The following PDE10A variants were observed in gnomAD, a reference collection of about 807,000 sequenced individuals.
The protein encoded by PDE10A is cAMP and cAMP-inhibited cGMP 3',5'-cyclic phosphodiesterase 10A.
PDE10A carries 39 observed loss-of-function variants against 97.7 expected under a neutral mutation model. The observed-to-expected ratio is 0.40, with a 90% CI of 0.31 to 0.52. The LOEUF is 0.52. Ranked by LOEUF, PDE10A falls within the 20% of genes least tolerant of loss-of-function variation. The probability of loss-of-function intolerance (pLI) is 0.56; values close to 1 mark genes in which losing one functional copy is unlikely to be tolerated. For missense variants in PDE10A, 731 were observed against 1,047.8 expected (o/e 0.70, Z 4.17); for synonymous variants, 371 against 376.8 (o/e 0.98, Z 0.18).
chr6:165,742,107 C>A (rs1792740624), intron 1 of PDE10A, among the ~76,000 whole-genome samples: 1 of 152,146 alleles, frequency 6.6e-6, no homozygotes. Flanking sequence ...AATTATCACA[C>A]CTACCTTACG....
chr6:165,551,413 A>T (rs1221658350), intron 1 of PDE10A, among the ~76,000 whole-genome samples: 1 of 152,240 alleles, frequency 6.6e-6, no homozygotes, highest in Non-Finnish European at 1.5e-5. Context: ...TCTGCATATA[A>T]GATACTATGT....
At chr6:165,978,205 G>A (rs1161154707) in intron 1 of PDE10A, among the ~76,000 whole-genome samples, 2 of 152,130 alleles carry the variant, frequency 1.3e-5, no homozygotes, top group African/African-American at 4.8e-5. Flanking sequence ...AAGCTGTTTA[G>A]CTCAGAAAGA....
At chr6:165,621,819 T>C (rs1402661464) in intron 1 of PDE10A, among the ~76,000 whole-genome samples, 1 of 151,764 alleles carries the variant, frequency 6.6e-6, no homozygotes, top group East Asian at 1.9e-4. Flanking sequence ...ACCAAATCCT[T>C]GGAACAAAAG....
intron 1 of PDE10A, among the ~76,000 whole-genome samples, chr6:165,958,571 CAGAA>C (rs1316958471): frequency 1.5e-3 from 8 of 5,260 alleles, no homozygotes; most frequent in Non-Finnish European, 2.6e-3. Context: ...GAAAGACAGA[CAGAA>C]AGAAAGACAG....
chr6:165,968,329 G>A (rs977628324), intron 1 of PDE10A, among the ~76,000 whole-genome samples: 5 of 152,136 alleles, frequency 3.3e-5, no homozygotes, highest in African/African-American at 1.2e-4. Flanking sequence ...CAAACCCATC[G>A]GACTGTGGTG....
At chr6:165,584,886 T>C (rs1785819346) in intron 1 of PDE10A, among the ~76,000 whole-genome samples, 2 of 152,078 alleles carry the variant, frequency 1.3e-5, no homozygotes, top group South Asian at 2.1e-4. Context: ...AAAGGGAATA[T>C]GGAATGAGTA....
intron 2 of PDE10A, among the ~76,000 whole-genome samples, chr6:165,525,239 G>A (rs1461938544): frequency 6.6e-6 from 1 of 152,122 alleles, no homozygotes; most frequent in Non-Finnish European, 1.5e-5. Flanking sequence ...ACAGGCATGG[G>A]AATGGATATT....
intron 1 of PDE10A, among the ~76,000 whole-genome samples, chr6:165,807,024 A>G (rs1779160668): frequency 6.6e-6 from 1 of 152,194 alleles, no homozygotes; most frequent in Admixed American, 6.5e-5. Flanking sequence ...ATATTGTGCA[A>G]GTTCTCAATC....
intron 1 of PDE10A, among the ~76,000 whole-genome samples, chr6:165,925,134 CAT>C (rs763047806): frequency 6.6e-6 from 1 of 152,172 alleles, no homozygotes; most frequent in Non-Finnish European, 1.5e-5. Flanking sequence ...CAAATAAGCA[CAT>C]GAGAAGAATT....
chr6:165,978,690 C>T lies in PDE10A; in HGVS notation c.-615+8839G>A, dbSNP rs148799735. On this transcript the variant is annotated intron_variant, in intron 1 of 19. Transcript: ENST00000366882. ...GACGACTCAACATATGTGTGATTCC[C>T]GATTGGATCCTGGATTGAGAAACCA... Among the ~76,000 whole-genome samples, 759 of 152,080 alleles carry T rather than the reference C, an allele frequency of 5.0e-3. 4 individuals are homozygous for T. The highest frequency in any genetic ancestry group is 0.018 in the African/African-American group (734 of 41,476).
chr6:165,810,335 T>C (rs1005841001), intron 1 of PDE10A, among the ~76,000 whole-genome samples: 5 of 152,088 alleles, frequency 3.3e-5, no homozygotes, highest in African/African-American at 1.2e-4. Context: ...ACTTTCTGAG[T>C]ATTCCGCAAA....
At chr6:165,598,167 C>T (rs1302209831) in intron 1 of PDE10A, among the ~76,000 whole-genome samples, 1 of 152,142 alleles carries the variant, frequency 6.6e-6, no homozygotes, top group African/African-American at 2.4e-5. Context: ...TTTACAATAC[C>T]AACATACATT....
At chr6:165,703,351 TG>T (rs1288332766) in intron 1 of PDE10A, among the ~76,000 whole-genome samples, 3 of 152,198 alleles carry the variant, frequency 2.0e-5, no homozygotes, top group Non-Finnish European at 4.4e-5. Context: ...GGAATAAACA[TG>T]CATGTCATTT....
chr6:165,485,275 C>T (rs1204062964), intron 2 of PDE10A, among the ~76,000 whole-genome samples: 1 of 151,730 alleles, frequency 6.6e-6, no homozygotes. Context: ...GAGACCATCC[C>T]GGCTAACACA....
intron 1 of PDE10A, among the ~76,000 whole-genome samples, chr6:165,916,357 G>C (rs544329230): frequency 1.3e-5 from 2 of 152,336 alleles, no homozygotes; most frequent in East Asian, 3.9e-4. Flanking sequence ...ATTCAGGACA[G>C]GACCATCCTA....
chr6:165,967,552 G>T (rs895939445), intron 1 of PDE10A, among the ~76,000 whole-genome samples: 1 of 152,248 alleles, frequency 6.6e-6, no homozygotes, highest in South Asian at 2.1e-4. Context: ...CGTATCTATG[G>T]TTTTTTCTTA....
rs1475801798 is a variant in PDE10A at position 165,460,820 on chromosome 6, C to T, written c.1024-10458G>A. Among the ~76,000 whole-genome samples, 3 of 152,170 alleles carry T rather than the reference C, an allele frequency of 2.0e-5. No homozygotes were observed. The East Asian group carries it at 5.8e-4, about 29-fold the overall frequency. On this transcript the variant is annotated intron_variant, in intron 3 of 21. Transcript: ENST00000539869. The stretch of plus-strand genomic sequence containing the variant: ...ACAATTATATAGCCCTCAGAATCAA[C>T]ATACAATGCATGAAACGAGGTATGT...
At chr6:165,562,669 T>G (rs778348320) in intron 1 of PDE10A, among the ~76,000 whole-genome samples, 3 of 152,264 alleles carry the variant, frequency 2.0e-5, no homozygotes, top group East Asian at 3.9e-4. Flanking sequence ...GTACTGACCA[T>G]GTTATAGTAG....
chr6:165,340,036 C>T (rs1001440068), intron 19 of PDE10A, among the ~76,000 whole-genome samples: 3 of 151,970 alleles, frequency 2.0e-5, no homozygotes, highest in Non-Finnish European at 4.4e-5. Context: ...TAAAGATTCA[C>T]TATGTTAGTT....
Sources: allele counts gnomAD v4.1 joint callset (sites outside exome capture counted in the v4.1 genomes callset), GRCh38; gene constraint gnomAD v4.1.1; transcripts MANE v1.5; gene names NCBI Gene and HGNC (gene_info 2026-07-23, HGNC 2026-07-21).